The following PAK4 variants were observed in gnomAD, a reference collection of about 807,000 sequenced individuals.
PAK4 encodes serine/threonine-protein kinase PAK 4.
PAK4 carries 49 observed loss-of-function variants against 53.5 expected under a neutral mutation model. The ratio of observed to expected loss-of-function variants is 0.92; its 90% CI spans 0.73 to 1.16. PAK4 has a LOEUF of 1.16. Among genes scored for constraint, PAK4 ranks in the 50% most tolerant of loss-of-function variants. The pLI, the probability that PAK4 is intolerant of heterozygous loss-of-function variation, is 0.00. For synonymous variants in PAK4, 376 were observed against 375.6 expected (o/e 1.00, Z -0.01); for missense variants, 824 against 850.7 (o/e 0.97, Z 0.39).
At chr19:39,158,968 A>G (rs1300454086) in intron 1 of PAK4, among the ~76,000 whole-genome samples, 4 of 152,224 alleles carry the variant, frequency 2.6e-5, no homozygotes, top group African/African-American at 7.2e-5. Flanking sequence ...GGCAGTAATG[A>G]TAACAGCAGC....
intron 1 of PAK4, among the ~76,000 whole-genome samples, chr19:39,132,671 C>T (rs1293154341): frequency 6.6e-6 from 1 of 152,246 alleles, no homozygotes; most frequent in Non-Finnish European, 1.5e-5. Flanking sequence ...TGAGTCTGAG[C>T]TTGTGGCCTC....
intron 1 of PAK4, among the ~76,000 whole-genome samples, chr19:39,157,167 G>C (rs1189780967): frequency 1.3e-5 from 2 of 152,022 alleles, no homozygotes; most frequent in African/African-American, 4.8e-5. Context: ...AGTTGACTGG[G>C]TGTGCCTAGG....
intron 2 of PAK4, among the ~76,000 whole-genome samples, chr19:39,172,218 C>T (rs1180823867): frequency 5.9e-5 from 6 of 102,200 alleles, no homozygotes; most frequent in South Asian, 3.7e-4. Context: ...AGGCCCTGGG[C>T]GCAGGGGGGC....
chr19:39,157,402 C>T (rs1175632861), intron 1 of PAK4, among the ~76,000 whole-genome samples: 1 of 152,018 alleles, frequency 6.6e-6, no homozygotes, highest in Non-Finnish European at 1.5e-5. Context: ...TCTGGGTGCA[C>T]GAGTCTTTGC....
intron 1 of PAK4, among the ~76,000 whole-genome samples, chr19:39,148,768 T>C (rs1350822393): frequency 1.3e-5 from 2 of 151,952 alleles, no homozygotes; most frequent in African/African-American, 2.4e-5. Context: ...TTTTTTTTTT[T>C]CCATAAAAGT....
At chr19:39,145,331 G>C (rs1348768172) in intron 1 of PAK4, among the ~76,000 whole-genome samples, 1 of 152,170 alleles carries the variant, frequency 6.6e-6, no homozygotes, top group Admixed American at 6.5e-5. Flanking sequence ...GCGTGTAAAT[G>C]GTACGAGGCC....
At position 39,175,179 on chromosome 19, in the gene PAK4, G is replaced by A; in HGVS notation, c.1232+115G>A. 6 of 1,488,368 alleles carry A rather than the reference G, an allele frequency of 4.0e-6. No individual in the cohort carries two copies. Among genetic ancestry groups the A allele is most frequent in the Non-Finnish European group, 4.6e-6 (5 of 1,093,756 alleles). 92.2% of individuals were successfully genotyped at this position (1,488,368 alleles called of 1,614,324 possible). A position where few individuals can be genotyped will look rare whatever the true frequency, so the allele number is the denominator to read the frequency against. ...CTCCGGGCCCCTGGGATGGGGTCGT[G>A]TCTTCCATTCCTCCCACTCCAGAGT... On this transcript the variant is annotated intron_variant, in intron 5 of 8. Transcript: ENST00000358301. This position sits in a 1 kb window ranked among gnomAD's most constrained non-coding sequence, Gnocchi z 4.7.
At chr19:39,170,497 G>A (rs1432212068) in intron 2 of PAK4, among the ~76,000 whole-genome samples, 1 of 152,230 alleles carries the variant, frequency 6.6e-6, no homozygotes, top group East Asian at 1.9e-4. Flanking sequence ...CGGTGTCTGG[G>A]TGTGGCCTGG....
In PAK4 at chr19:39,178,489, G is replaced by A. The variant is rs55747949; in HGVS notation, c.1686G>A (p.Thr562=). The A allele has an allele frequency of 7.2e-5, 116 of 1,611,638 alleles. No individual in the cohort carries two copies. The highest frequency in any genetic ancestry group is 8.7e-5 in the Non-Finnish European group (103 of 1,179,454). ...TGCGAGACCCTGCCCAGCGGGCCAC[G>A]GCAGCCGAGCTGCTGAAGCACCCAT... Residue 562 remains threonine (T), a synonymous_variant, in exon 9 of 9, where the codon ACG becomes ACA. Coordinates refer to ENST00000358301, the Ensembl canonical transcript of PAK4. The surrounding 1 kb of genome is among the most constrained non-coding windows in gnomAD (Gnocchi z 4.4).
In PAK4 at chr19:39,174,805, C is replaced by G; in HGVS notation, c.1099-126C>G. On this transcript the variant is annotated intron_variant, in intron 4 of 8. Transcript: ENST00000358301. ...GGCTGTGGCAGTAGGGGAGGGCAGT[C>G]CAGGTGGCCCCAGTGAGCACAAGCT... is the stretch of plus-strand genomic sequence containing the variant. 3 of 1,083,834 alleles carry G rather than the reference C, an allele frequency of 2.8e-6. No individual in the cohort carries two copies. In the South Asian group the frequency reaches 4.4e-5, roughly 16 times the overall value. The allele number at this position is 1,083,834 out of a possible 1,614,324, so 67.1% of individuals were successfully genotyped here.
chr19:39,155,522 C>A (rs1364382258), intron 1 of PAK4, among the ~76,000 whole-genome samples: 1 of 152,088 alleles, frequency 6.6e-6, no homozygotes, highest in Non-Finnish European at 1.5e-5. Context: ...CCAAGCAGCC[C>A]TCCGGAGGCC....
At chr19:39,176,774 G>T in intron 7 of PAK4, 59 bp downstream of exon 8, 4 of 1,581,606 alleles carry the variant, frequency 2.5e-6, no homozygotes, top group Non-Finnish European at 3.4e-6. Flanking sequence ...CCATTTTCCA[G>T]CTGCAGCGCT....
Position 39,129,721 on chromosome 19 carries a change from CAGG to C in PAK4, c.-23+3805_-23+3807del, listed in dbSNP as rs532216682. On this transcript the variant is annotated intron_variant, in intron 1 of 8. Coordinates refer to ENST00000358301, the Ensembl canonical transcript of PAK4. The stretch of plus-strand genomic sequence containing the variant: ...CGTCCCCACTGACTCCCTACAACCA[CAGG>C]AGAAGAAAGGATGGAAGGGCTTTCA... 1.4e-3 allele frequency among the ~76,000 whole-genome samples: 215 copies of C among 151,142 alleles called. 1 individual carries two copies. Among genetic ancestry groups the C allele is most frequent in the African/African-American group, 5.0e-3 (204 of 41,192 alleles).
downstream of PAK4, chr19:39,182,019 G>C (rs2074704870): frequency 6.6e-6 from 1 of 152,226 alleles, no homozygotes; most frequent in African/African-American, 2.4e-5. Context: ...GGGGCCCAGT[G>C]ATCTGTATTT....
rs571468864 is a variant in PAK4 at position 39,173,873 on chromosome 19, C to T, written c.961C>T (p.Leu321=). 1 of 1,612,848 alleles carries T rather than the reference C, an allele frequency of 6.2e-7. No homozygotes were observed. The highest frequency in any genetic ancestry group is 1.3e-5 in the African/African-American group (1 of 75,032). Reference sequence around the variant, plus strand: ...GGACCCAGGCGACCCCCGCTCCTACCTGGACAACTTCATCAAGATTGGCGA... The same window carrying T: ...GGACCCAGGCGACCCCCGCTCCTACTTGGACAACTTCATCAAGATTGGCGA... The change falls in exon 4 of 9, where the codon CTG becomes TTG. Residue 321 remains leucine, a synonymous_variant. Coordinates refer to ENST00000358301, the Ensembl canonical transcript of PAK4. This position sits in a 1 kb window ranked among gnomAD's most constrained non-coding sequence, Gnocchi z 6.9.
chr19:39,133,755 G>C (rs796556571), intron 1 of PAK4, among the ~76,000 whole-genome samples: 11 of 152,256 alleles, frequency 7.2e-5, no homozygotes, highest in African/African-American at 2.6e-4. Flanking sequence ...CACCTGTCCT[G>C]GGAACTCCTG....
chr19:39,176,705 A>G (rs773602567), exon 7 of PAK4: 6 of 1,609,896 alleles, frequency 3.7e-6, no homozygotes, highest in Admixed American at 1.7e-5. Context: ...CGCCTTCCCT[A>G]CGGGCCAGAG....
rs373602138 is a variant in PAK4 at position 39,170,939 on chromosome 19, G to A, written c.204+1182G>A. On this transcript the variant is annotated intron_variant, in intron 2 of 8. Transcript: ENST00000358301. ...CACTGGCTCTTCTGGGCCACAGGCC[G>A]CACCCGACCCACCTCAGCTCCACGC... Among the ~76,000 whole-genome samples, 8 of 152,198 alleles carry A rather than the reference G, an allele frequency of 5.3e-5. No homozygotes were observed. The East Asian group carries it at 1.5e-3, about 29-fold the overall frequency.
intron 1 of PAK4, among the ~76,000 whole-genome samples, chr19:39,164,830 G>A (rs1450472452): frequency 5.3e-5 from 8 of 152,160 alleles, no homozygotes; most frequent in African/African-American, 7.2e-5. Context: ...GGGCGCCTGC[G>A]AGCTCAGCGT....
Sources: allele counts gnomAD v4.1 joint callset (sites outside exome capture counted in the v4.1 genomes callset), GRCh38; gene constraint gnomAD v4.1.1; non-coding constraint Gnocchi (gnomAD v3.1); transcripts MANE v1.5; gene names NCBI Gene and HGNC (gene_info 2026-07-23, HGNC 2026-07-21).